The following COG4 variants were observed in gnomAD, a reference collection of about 807,000 sequenced individuals.
COG4 encodes the protein component of oligomeric golgi complex 4, also known as conserved oligomeric Golgi complex subunit 4.
Under a neutral mutation model 95.1 loss-of-function variants are expected in COG4, and 65 were observed. That is an observed-to-expected ratio of 0.68 (90% CI 0.56 to 0.84). The LOEUF is 0.84. Ranked by LOEUF, COG4 falls within the 40% of genes least tolerant of loss-of-function variation. The pLI is 0.00. For synonymous variants in COG4, 421 were observed against 374.8 expected (o/e 1.12, Z -1.42); for missense variants, 1,045 against 989.1 (o/e 1.06, Z -0.76).
chr16:70,523,359 G>T lies in COG4; in HGVS notation c.171+14C>A, dbSNP rs775954731. On this transcript the variant is annotated intron_variant, in intron 1 of 18. Coordinates refer to ENST00000323786, the MANE Select transcript of COG4 (RefSeq NM_015386.3). Reference sequence around the variant, plus strand: ...CTAGATCCTCCATGAAAAAGAAGAGGCTCGACCCCGCACCTCCTCGCCGCA... The same window carrying T: ...CTAGATCCTCCATGAAAAAGAAGAGTCTCGACCCCGCACCTCCTCGCCGCA... 3 of 1,613,924 alleles carry T rather than the reference G, an allele frequency of 1.9e-6. No homozygotes were observed. Among genetic ancestry groups the T allele is most frequent in the Non-Finnish European group, 2.5e-6 (3 of 1,179,870 alleles).
rs376820609 is a variant in COG4 at position 70,523,512 on chromosome 16, G to A, written c.32C>T (p.Pro11Leu). ...CTGCTGCACCCCTGACAGCTTCGGA[G>A]GCGAATCAAGGTCCGCCATCTTGGT... MGTKMADLDS[P>L]PKLSGVQQPS... The change falls in exon 1 of 19, where the codon CCT (proline) becomes CTT (leucine). Residue 11 changes from proline to leucine, a missense_variant. Transcript: ENST00000323786. 8.7e-6 allele frequency: 14 copies of A among 1,613,968 alleles called. No individual in the cohort carries two copies. Among genetic ancestry groups the A allele is most frequent in the African/African-American group, 5.3e-5 (4 of 74,932 alleles).
intron 5 of COG4, among the ~76,000 whole-genome samples, chr16:70,511,233 C>T (rs2049697068): frequency 6.6e-6 from 1 of 152,182 alleles, no homozygotes; most frequent in Non-Finnish European, 1.5e-5. Flanking sequence ...AAGAAATCCT[C>T]TGCTTATACA....
At chr16:70,495,986 T>G (rs553127067) in intron 12 of COG4, among the ~76,000 whole-genome samples, 1 of 152,264 alleles carries the variant, frequency 6.6e-6, no homozygotes, top group East Asian at 1.9e-4. Flanking sequence ...TGGCACTCAG[T>G]GGGCTCCTGA....
intron 12 of COG4, among the ~76,000 whole-genome samples, chr16:70,492,277 G>T (rs2049259810): frequency 6.6e-6 from 1 of 152,096 alleles, no homozygotes. Flanking sequence ...CTAAAAAAAT[G>T]AATTCAGGTC....
chr16:70,499,720 C>T (rs1017366647), intron 9 of COG4, among the ~76,000 whole-genome samples: 2 of 152,070 alleles, frequency 1.3e-5, no homozygotes, highest in Admixed American at 6.5e-5. Flanking sequence ...AGTGCAGTGG[C>T]GCGATCTTGG....
At chr16:70,517,296 C>T (rs189805932) in intron 3 of COG4, among the ~76,000 whole-genome samples, 75 of 152,018 alleles carry the variant, frequency 4.9e-4, no homozygotes, top group East Asian at 4.5e-3. Context: ...GTTGGGAGGC[C>T]GAGGCGGGCA....
At chr16:70,521,327 C>G (rs1031582331) in intron 1 of COG4, among the ~76,000 whole-genome samples, 1 of 151,916 alleles carries the variant, frequency 6.6e-6, no homozygotes, top group Non-Finnish European at 1.5e-5. Flanking sequence ...AAGCGATTTT[C>G]ATGCCTCTGC....
At chr16:70,486,507 C>T (rs2049138939) in intron 13 of COG4, among the ~76,000 whole-genome samples, 1 of 152,174 alleles carries the variant, frequency 6.6e-6, no homozygotes, top group African/African-American at 2.4e-5. Context: ...GCTGATGGGG[C>T]TAAGAAAGAA....
At chr16:70,517,023 C>T (rs902788490) in intron 3 of COG4, among the ~76,000 whole-genome samples, 1 of 152,084 alleles carries the variant, frequency 6.6e-6, no homozygotes, top group Non-Finnish European at 1.5e-5. Context: ...CCTCAGTCTC[C>T]CAAAGTGCTG....
intron 9 of COG4, among the ~76,000 whole-genome samples, chr16:70,499,752 C>T (rs1419144018): frequency 2.0e-5 from 3 of 151,992 alleles, no homozygotes; most frequent in Admixed American, 6.6e-5. Flanking sequence ...CTCCGCCTCC[C>T]GGGTTCACGC....
At chr16:70,521,655 G>T (rs2049944574) in intron 1 of COG4, among the ~76,000 whole-genome samples, 1 of 151,454 alleles carries the variant, frequency 6.6e-6, no homozygotes, top group East Asian at 1.9e-4. Context: ...CATATTAAAT[G>T]ACTGAATGAA....
intron 8 of COG4, among the ~76,000 whole-genome samples, chr16:70,502,274 C>T (rs1278971512): frequency 1.0e-5 from 1 of 97,216 alleles, no homozygotes; most frequent in Admixed American, 1.3e-4. Flanking sequence ...CAGCAAGACT[C>T]CGTCTCAAAA....
intron 8 of COG4, among the ~76,000 whole-genome samples, chr16:70,507,014 C>A (rs966667380): frequency 6.6e-6 from 1 of 151,912 alleles, no homozygotes; most frequent in Non-Finnish European, 1.5e-5. Flanking sequence ...CCCAGGAGTT[C>A]GAGACCAGCC....
At chr16:70,481,710 T>G in intron 17 of COG4, 54 bp downstream of exon 17, 1 of 1,504,456 alleles carries the variant, frequency 6.6e-7, no homozygotes, top group Non-Finnish European at 9.2e-7. Flanking sequence ...TGGCATGACA[T>G]GTCTTCCTCA....
chr16:70,497,090 T>A, intron 11 of COG4, 131 bp downstream of exon 11: 4 of 919,756 alleles, frequency 4.3e-6, no homozygotes, highest in Non-Finnish European at 6.9e-6. Flanking sequence ...GATACTATCT[T>A]AGGGATAGGA....
At chr16:70,520,166 C>T (rs2049904616) in intron 1 of COG4, among the ~76,000 whole-genome samples, 2 of 151,904 alleles carry the variant, frequency 1.3e-5, no homozygotes, top group Non-Finnish European at 2.9e-5. Context: ...CTGGGCGCGG[C>T]GGCTTACGTC....
In COG4 at chr16:70,500,365, C is replaced by CTTTTTTTTTTTTTT. The variant is rs68141616; in HGVS notation, c.1195+579_1195+592dup. ...AGAGGATTCCTGTACATTATATACT[C>CTTTTTTTTTTTTTT]TTTTTTTTTTTTTTTTTTTTTGAGA... On this transcript the variant is annotated intron_variant, in intron 9 of 18. Transcript: ENST00000323786. Among the ~76,000 whole-genome samples the CTTTTTTTTTTTTTT allele has an allele frequency of 2.1e-5, 2 of 96,174 alleles. 1 individual carries two copies. The highest frequency in any genetic ancestry group is 1.0e-4 in the African/African-American group (2 of 19,988). The allele number at this position is 96,174 out of a possible 152,430, so 63.1% of individuals were successfully genotyped here.
intron 13 of COG4, 51 bp from the exon 14 acceptor site, chr16:70,484,020 G>T: frequency 7.5e-7 from 1 of 1,338,216 alleles, no homozygotes; most frequent in Non-Finnish European, 1.1e-6. Flanking sequence ...GGCCATGGGA[G>T]TGTGAGGAGC....
At chr16:70,521,600 A>G (rs1168322301) in intron 1 of COG4, among the ~76,000 whole-genome samples, 1 of 152,124 alleles carries the variant, frequency 6.6e-6, no homozygotes, top group Non-Finnish European at 1.5e-5. Context: ...CAAATACAGT[A>G]CTTATATCAT....
Sources: allele counts gnomAD v4.1 joint callset (sites outside exome capture counted in the v4.1 genomes callset), GRCh38; gene constraint gnomAD v4.1.1; transcripts MANE v1.5; gene names NCBI Gene and HGNC (gene_info 2026-07-23, HGNC 2026-07-21).